Variants in COL6A5 observed in about 807,000 individuals in gnomAD.
COL6A5 encodes the protein collagen type VI alpha 5 chain.
A neutral mutation model predicts 65.6 loss-of-function variants in COL6A5; 48 were observed. The ratio of observed to expected loss-of-function variants is 0.73; its 90% CI spans 0.58 to 0.93. The LOEUF (loss-of-function observed/expected upper bound fraction) is 0.93, where lower values mean the gene tolerates loss of function less well. Ranked by LOEUF, COL6A5 falls within the 40% of genes least tolerant of loss-of-function variation. The probability of loss-of-function intolerance (pLI) is 0.00; values close to 1 mark genes in which losing one functional copy is unlikely to be tolerated. For missense variants in COL6A5, 914 were observed against 928.3 expected, an observed-to-expected ratio of 0.98 and a Z score of 0.20; for synonymous variants, 291 against 322.8, an observed-to-expected ratio of 0.90 and a Z score of 1.05.
chr3:130,370,128 C>A (rs1036329964), intron 1 of COL6A5, among the ~76,000 whole-genome samples: 12 of 152,158 alleles, frequency 7.9e-5, no homozygotes, highest in African/African-American at 2.9e-4. Flanking sequence ...ATCATAGAAT[C>A]ACAGGATCAG....
intron 29 of COL6A5, among the ~76,000 whole-genome samples, chr3:130,424,205 A>G (rs1937563531): frequency 6.6e-6 from 1 of 152,154 alleles, no homozygotes; most frequent in Non-Finnish European, 1.5e-5. Flanking sequence ...TAAAATATAT[A>G]AAGTACAATG....
intron 5 of COL6A5, among the ~76,000 whole-genome samples, chr3:130,457,781 T>C (rs1389014435): frequency 1.3e-5 from 2 of 152,168 alleles, no homozygotes; most frequent in Non-Finnish European, 1.5e-5. Context: ...TGCCAAAAAC[T>C]GCTGAGTTTT....
chr3:130,406,230 T>A, intron 16 of COL6A5, 38 bp from the exon 17 acceptor site: 6 of 1,549,818 alleles, frequency 3.9e-6, no homozygotes, highest in Non-Finnish European at 4.4e-6. Flanking sequence ...CTAAAATTTT[T>A]TTTAAGTGGG....
At chr3:130,391,197 T>C in exon 7 of COL6A5, 1 of 1,549,858 alleles carries the variant, frequency 6.5e-7, no homozygotes. Flanking sequence ...AGGATTACAC[T>C]ACTAGACGTT....
At chr3:130,449,256 T>G (rs868363139) in intron 4 of COL6A5, among the ~76,000 whole-genome samples, 7 of 152,148 alleles carry the variant, frequency 4.6e-5, no homozygotes, top group African/African-American at 1.7e-4. Flanking sequence ...CTGTTTTCTT[T>G]TATAGTAACT....
chr3:130,362,460 AT>A, intron 1 of COL6A5, among the ~76,000 whole-genome samples: 1 of 151,054 alleles, frequency 6.6e-6, no homozygotes, highest in African/African-American at 2.4e-5. Context: ...GTGCAGGTCT[AT>A]TTCTGGGCTC....
At position 130,376,649 on chromosome 3, in the gene COL6A5, C is replaced by T. The variant is rs6787083; in HGVS notation, c.480C>T (p.Asp160=). Reference sequence around the variant, plus strand: ...AGGCTTCGAAAGCCCTGCAGAAAGACGGGGTGAAAATTATCTCCGTGGGGG... The same window carrying T: ...AGGCTTCGAAAGCCCTGCAGAAAGATGGGGTGAAAATTATCTCCGTGGGGG... Residue 160 remains aspartate, a synonymous_variant and NMD_transcript_variant, in exon 3 of 42, where the codon GAC becomes GAT. Transcript: ENST00000312481. 2.3e-3 allele frequency: 3,654 copies of T among 1,612,892 alleles called. 62 individuals carry two copies. The African/African-American group carries it at 0.041, about 18-fold the overall frequency.
chr3:130,399,565 G>T (rs1222781532), intron 10 of COL6A5, among the ~76,000 whole-genome samples: 4 of 151,536 alleles, frequency 2.6e-5, no homozygotes, highest in African/African-American at 9.7e-5. Context: ...TAGAGATGGG[G>T]TTTCACCGTG....
At chr3:130,480,473 A>C (rs1275442803) in intron 7 of COL6A5, among the ~76,000 whole-genome samples, 1 of 152,094 alleles carries the variant, frequency 6.6e-6, no homozygotes, top group Non-Finnish European at 1.5e-5. Flanking sequence ...GTGGAAGGGA[A>C]ATACAAATTT....
intron 17 of COL6A5, 77 bp downstream of exon 17, chr3:130,406,398 G>T (rs1403617846): frequency 8.8e-7 from 1 of 1,131,864 alleles, no homozygotes; most frequent in East Asian, 2.5e-5. Context: ...TGTGTCAGTG[G>T]TTATAGGGGA....
intron 15 of COL6A5, 44 bp from the exon 16 acceptor site, chr3:130,406,087 A>G (rs1936980802): frequency 6.5e-7 from 1 of 1,548,146 alleles, no homozygotes; most frequent in Non-Finnish European, 8.7e-7. Flanking sequence ...AGCGTGTGGC[A>G]GAGACCTGCT....
intron 1 of COL6A5, among the ~76,000 whole-genome samples, chr3:130,349,831 T>G (rs771433971): frequency 6.6e-6 from 1 of 152,226 alleles, no homozygotes; most frequent in Non-Finnish European, 1.5e-5. Context: ...ATATTCCTTA[T>G]GTAAAATAAG....
chr3:130,346,136 C>G (rs1184782003), intron 1 of COL6A5, among the ~76,000 whole-genome samples, 155 bp downstream of exon 1: 1 of 152,180 alleles, frequency 6.6e-6, no homozygotes. Context: ...ATGGTTAAGA[C>G]AGGTTCTGAA....
In COL6A5 at chr3:130,398,130, T is replaced by TTG. The variant is rs1936679748; in HGVS notation, c.3991+20_3991+21insGT. ...GAAGCAGGTATTGAGTTGTTGTTGT[T>TTG]TTTTTTTTTTTTTTTTTTGAGATGG... On this transcript the variant is annotated intron_variant and NMD_transcript_variant, in intron 10 of 41. Transcript: ENST00000312481. The TTG allele has an allele frequency of 2.5e-6, 2 of 812,076 alleles. No homozygotes were observed. The highest frequency in any genetic ancestry group is 9.1e-5 in the Admixed American group (2 of 22,094). The allele number at this position is 812,076 out of a possible 1,614,324, so 50.3% of individuals were successfully genotyped here.
At chr3:130,468,763 TAA>T in intron 5 of COL6A5, 30 bp from the exon 38 acceptor site, 3 of 1,506,104 alleles carry the variant, frequency 2.0e-6, no homozygotes, top group Non-Finnish European at 2.7e-6. Context: ...ATCTTTCCAT[TAA>T]AAAGAATGAC....
At chr3:130,416,681 G>A in intron 23 of COL6A5, 76 bp from the exon 24 acceptor site, 1 of 843,274 alleles carries the variant, frequency 1.2e-6, no homozygotes, top group Admixed American at 2.6e-5. Flanking sequence ...TAGCATGAAG[G>A]AAAGTGAAAT....
intron 1 of COL6A5, among the ~76,000 whole-genome samples, chr3:130,368,270 C>T (rs982248032): frequency 1.2e-4 from 18 of 152,182 alleles, no homozygotes; most frequent in African/African-American, 3.4e-4. Flanking sequence ...CTTTATCAGT[C>T]GCAGGATATT....
intron 24 of COL6A5, 85 bp from the exon 25 acceptor site, chr3:130,418,784 C>T: frequency 1.9e-6 from 2 of 1,030,132 alleles, no homozygotes; most frequent in Non-Finnish European, 3.0e-6. Context: ...AACCTTGAGT[C>T]TCCTCATCGA....
chr3:130,392,966 C>G (rs999522390), intron 7 of COL6A5, among the ~76,000 whole-genome samples: 2 of 152,104 alleles, frequency 1.3e-5, no homozygotes, highest in Admixed American at 6.5e-5. Flanking sequence ...CAGTCTGAAG[C>G]GTGGGCTCCC....
Sources: allele counts gnomAD v4.1 joint callset (sites outside exome capture counted in the v4.1 genomes callset), GRCh38; gene constraint gnomAD v4.1.1; transcripts MANE v1.5; gene names NCBI Gene and HGNC (gene_info 2026-07-23, HGNC 2026-07-21).